Variants in MS4A4E observed in about 807,000 individuals in gnomAD.
The protein encoded by MS4A4E is membrane spanning 4-domains A4E.
In MS4A4E, 23 loss-of-function variants were observed where a neutral mutation model predicts 13.3. The observed-to-expected ratio is 1.73, with a 90% CI of 1.25 to 2.45. The LOEUF is 2.45. Ranked by LOEUF, MS4A4E falls within the 30% of genes most tolerant of loss-of-function variation. MS4A4E has a pLI of 0.00. For synonymous variants in MS4A4E, 36 were observed against 45.6 expected, an observed-to-expected ratio of 0.79 and a Z score of 0.85; for missense variants, 144 against 131.2, an observed-to-expected ratio of 1.10 and a Z score of -0.48.
intron 6 of MS4A4E, among the ~76,000 whole-genome samples, chr11:60,206,486 T>TGTATATATATATAC (rs10635685): frequency 4.7e-3 from 13 of 2,768 alleles, no homozygotes; most frequent in African/African-American, 7.8e-3. Flanking sequence ...TATATATATA[T>TGTATATATATATAC]ATGTATATAT....
At chr11:60,232,751 G>A (rs2084428555) in intron 1 of MS4A4E, among the ~76,000 whole-genome samples, 1 of 152,122 alleles carries the variant, frequency 6.6e-6, no homozygotes, top group Admixed American at 6.5e-5. Flanking sequence ...TGGCTAGAGT[G>A]CATTCTGCTT....
intron 5 of MS4A4E, among the ~76,000 whole-genome samples, chr11:60,211,626 G>A (rs2084122436): frequency 6.6e-6 from 1 of 152,168 alleles, no homozygotes; most frequent in South Asian, 2.1e-4. Flanking sequence ...TAATAATAAA[G>A]ATTTGGCTGG....
At chr11:60,209,484 G>A (rs190232245) in intron 5 of MS4A4E, among the ~76,000 whole-genome samples, 1 of 152,324 alleles carries the variant, frequency 6.6e-6, no homozygotes, top group Non-Finnish European at 1.5e-5. Context: ...GACCCACTTT[G>A]AACTTCTGAC....
At chr11:60,212,665 C>T (rs1183912783) in intron 5 of MS4A4E, among the ~76,000 whole-genome samples, 1 of 152,156 alleles carries the variant, frequency 6.6e-6, no homozygotes, top group African/African-American at 2.4e-5. Flanking sequence ...ACAGTAGACA[C>T]TGCATCAATG....
At position 60,201,410 on chromosome 11, in the gene MS4A4E, C is replaced by T. The variant is rs1322391039; in HGVS notation, c.*133G>A. The T allele has an allele frequency of 1.6e-4, 30 of 193,394 alleles. 1 individual carries two copies. In the South Asian group the frequency reaches 1.6e-3, roughly 10 times the overall value. 12.0% of individuals were successfully genotyped at this position (193,394 alleles called of 1,614,324 possible). On this transcript the variant is annotated 3_prime_UTR_variant, in exon 9 of 9. Transcript: ENST00000651255. Reference sequence around the variant, plus strand: ...CTTCTCAGACGGGGCGGTTGCCAGGCGGAGGGTCTCCTCCCTTCTCAGATG... The same window carrying T: ...CTTCTCAGACGGGGCGGTTGCCAGGTGGAGGGTCTCCTCCCTTCTCAGATG...
At chr11:60,238,216 C>G (rs1018962362) in intron 1 of MS4A4E, among the ~76,000 whole-genome samples, 8 of 151,840 alleles carry the variant, frequency 5.3e-5, no homozygotes, top group African/African-American at 1.9e-4. Flanking sequence ...TTGTTCCCTT[C>G]TCTTCTAGTT....
chr11:60,241,108 C>T (rs2084544274), intron 1 of MS4A4E, among the ~76,000 whole-genome samples: 1 of 152,180 alleles, frequency 6.6e-6, no homozygotes, highest in African/African-American at 2.4e-5. Flanking sequence ...ACTGCAAGCT[C>T]CGCCTCCCGG....
intron 1 of MS4A4E, among the ~76,000 whole-genome samples, chr11:60,234,432 A>T (rs1301403619): frequency 6.6e-6 from 1 of 152,178 alleles, no homozygotes; most frequent in East Asian, 1.9e-4. Flanking sequence ...GACCTTTCAG[A>T]GGTAATTACA....
At chr11:60,217,364 A>T (rs1476071428) in intron 3 of MS4A4E, among the ~76,000 whole-genome samples, 2 of 152,216 alleles carry the variant, frequency 1.3e-5, no homozygotes, top group Non-Finnish European at 1.5e-5. Context: ...GATGTGCGGT[A>T]GAACCTTGAT....
Position 60,222,000 on chromosome 11 carries a change from A to G in MS4A4E, c.178+6594T>C, listed in dbSNP as rs1040682974. On this transcript the variant is annotated intron_variant, in intron 3 of 8. Coordinates refer to ENST00000651255, the MANE Select transcript of MS4A4E (RefSeq NM_001393391.1). ...AGGGATGGAGGATATGCATGGGCTCAGCAACATGGACTTCCATTCACTGAC... is the reference window on the plus strand; with the variant it reads ...AGGGATGGAGGATATGCATGGGCTCGGCAACATGGACTTCCATTCACTGAC... 2.6e-5 allele frequency among the ~76,000 whole-genome samples: 4 copies of G among 152,208 alleles called. No homozygotes were observed. The East Asian group carries it at 5.8e-4, about 22-fold the overall frequency.
intron 3 of MS4A4E, among the ~76,000 whole-genome samples, chr11:60,215,308 TG>T (rs2084178484): frequency 6.6e-6 from 1 of 151,806 alleles, no homozygotes. Context: ...AAATCACCAT[TG>T]GAAAAAAAAT....
rs139959845 is a variant in MS4A4E, at chr11:60,201,639, C to G, written c.900G>C (p.Pro300=). ...PSLESEERLC[P]AAIPSRKWGA... ...CCCACTTCCTAGATGGGATGGCAGC[C>G]GGGCAGAGACGCTCCTCACTTTCCA... Residue 300 remains proline, a synonymous_variant, in exon 9 of 9, where the codon CCG becomes CCC. Coordinates refer to ENST00000651255, the MANE Select transcript of MS4A4E (RefSeq NM_001393391.1). 1 of 307,292 alleles carries G rather than the reference C, an allele frequency of 3.3e-6. No individual in the cohort carries two copies. The highest frequency in any genetic ancestry group is 6.6e-6 in the Non-Finnish European group (1 of 152,066). The allele number at this position is 307,292 out of a possible 1,614,324, so 19.0% of individuals were successfully genotyped here. A position where few individuals can be genotyped will look rare whatever the true frequency, so the allele number is the denominator to read the frequency against.
chr11:60,216,675 C>A (rs933664611), intron 3 of MS4A4E, among the ~76,000 whole-genome samples: 2 of 151,512 alleles, frequency 1.3e-5, no homozygotes, highest in South Asian at 4.2e-4. Flanking sequence ...ACAGTGTTTG[C>A]TGTCTGTTAT....
intron 3 of MS4A4E, among the ~76,000 whole-genome samples, chr11:60,216,820 A>G: frequency 6.6e-6 from 1 of 152,120 alleles, no homozygotes; most frequent in East Asian, 1.9e-4. Context: ...TCCTCAGTCA[A>G]TCAGCTGCCA....
chr11:60,232,314 CA>C (rs1164968050), intron 1 of MS4A4E, among the ~76,000 whole-genome samples: 4 of 151,198 alleles, frequency 2.6e-5, no homozygotes, highest in Non-Finnish European at 5.9e-5. Flanking sequence ...CACACACACA[CA>C]CACACACCAA....
At chr11:60,239,318 A>G (rs2084520658) in intron 1 of MS4A4E, among the ~76,000 whole-genome samples, 1 of 152,218 alleles carries the variant, frequency 6.6e-6, no homozygotes, top group Non-Finnish European at 1.5e-5. Flanking sequence ...CTTAATAAAT[A>G]CTAACTACCT....
intron 1 of MS4A4E, among the ~76,000 whole-genome samples, chr11:60,233,399 T>A (rs991841456): frequency 3.3e-5 from 5 of 152,174 alleles, no homozygotes; most frequent in African/African-American, 1.2e-4. Context: ...GACCCCAGAA[T>A]CAGTCTCAAT....
At chr11:60,227,612 T>C (rs2084360817) in intron 3 of MS4A4E, among the ~76,000 whole-genome samples, 1 of 152,050 alleles carries the variant, frequency 6.6e-6, no homozygotes, top group Non-Finnish European at 1.5e-5. Context: ...CTCTAAAGTT[T>C]ATAGGGAAAG....
intron 3 of MS4A4E, among the ~76,000 whole-genome samples, chr11:60,217,979 G>A (rs2084217771): frequency 6.6e-6 from 1 of 152,188 alleles, no homozygotes; most frequent in Non-Finnish European, 1.5e-5. Flanking sequence ...GCAGAACAGA[G>A]CCATATTTCT....
Sources: gnomAD v4.1 joint callset for allele counts (sites outside exome capture counted in the v4.1 genomes callset) on GRCh38, gnomAD v4.1.1 for gene constraint, MANE v1.5 for transcripts, NCBI Gene and HGNC (gene_info 2026-07-23, HGNC 2026-07-21) for gene names.